DNAH14: variants seen among roughly 807,000 people sequenced by gnomAD.
The protein encoded by DNAH14 is axonemal beta dynein heavy chain 14.
In DNAH14, 478 loss-of-function variants were observed where a neutral mutation model predicts 520.9. The observed-to-expected ratio is 0.92, with a 90% CI of 0.85 to 0.99. The LOEUF is 0.99. Among genes scored for constraint, DNAH14 ranks in the 50% least tolerant of loss-of-function variants. The probability of loss-of-function intolerance (pLI) is 0.00; values close to 1 mark genes in which losing one functional copy is unlikely to be tolerated. For synonymous variants in DNAH14, 1,581 were observed against 1,757.2 expected, an observed-to-expected ratio of 0.90 and a Z score of 2.51; for missense variants, 4,831 against 5,234.5, an observed-to-expected ratio of 0.92 and a Z score of 2.38.
rs1364688500 is a variant in DNAH14 at position 225,144,432 on chromosome 1, T to G, written c.4544T>G (p.Leu1515Trp). ...TATAAATGGAATGAAAAACAAAAGT[T>G]GTGCTATGTGTCTCAAGGAAATGCC... ...LQYKWNEKQK[L>W]CYVSQGNASF... is the part of the protein sequence containing the mutation. The change falls in exon 29 of 86, where the codon TTG becomes TGG. Residue 1515 changes from leucine to tryptophan, a missense_variant. Physicochemically the swap from Leu to Trp is moderately conservative, Grantham distance 61. Coordinates refer to ENST00000682510, the MANE Select transcript of DNAH14 (RefSeq NM_001367479.1). 6.4e-7 allele frequency: 1 copy of G among 1,551,552 alleles called. No homozygotes were observed. The highest frequency in any genetic ancestry group is 8.7e-7 in the Non-Finnish European group (1 of 1,146,898).
At chr1:225,374,332 G>C (rs1254059316) in intron 77 of DNAH14, among the ~76,000 whole-genome samples, 1 of 146,314 alleles carries the variant, frequency 6.8e-6, no homozygotes, top group Non-Finnish European at 1.5e-5. Context: ...CCTGATCTCA[G>C]CTCACTGTGA....
intron 1 of DNAH14, among the ~76,000 whole-genome samples, chr1:224,932,278 C>G (rs543559535): frequency 6.6e-6 from 1 of 151,942 alleles, no homozygotes; most frequent in Non-Finnish European, 1.5e-5. Flanking sequence ...CTATGCTTGT[C>G]CTTTGCATAC....
intron 34 of DNAH14, among the ~76,000 whole-genome samples, chr1:225,156,709 C>CT (rs71170061): frequency 0.024 from 1,657 of 68,060 alleles, 136 homozygotes; most frequent in African/African-American, 0.037. Flanking sequence ...TCTTAAAATT[C>CT]TTTTTTTTTT....
At chr1:225,078,374 A>G (rs2072553009) in intron 17 of DNAH14, among the ~76,000 whole-genome samples, 1 of 152,222 alleles carries the variant, frequency 6.6e-6, no homozygotes, top group African/African-American at 2.4e-5. Context: ...AAGTTGTAGC[A>G]TTTATTATGC....
chr1:225,340,618 A>G lies in DNAH14; in HGVS notation c.10595A>G (p.Lys3532Arg). 8.4e-6 allele frequency: 13 copies of G among 1,551,466 alleles called. No homozygotes were observed. The highest frequency in any genetic ancestry group is 1.1e-5 in the Non-Finnish European group (13 of 1,146,872). ...CCTCATTTAGAAGATCAACGTTCCA[A>G]GTTACTGGAGAGTATTTCCCTTGAT... ...EVPHLEDQRS[K>R]LLESISLDAI... is the part of the protein sequence containing the mutation. Residue 3532 changes from lysine (K) to arginine (R), a missense_variant, in exon 69 of 86, where the codon AAG becomes AGG. By Grantham distance (26) the Lys-to-Arg change is conservative. Transcript: ENST00000682510.
chr1:225,010,465 A>G (rs6666664), intron 10 of DNAH14, among the ~76,000 whole-genome samples: 10,505 of 152,134 alleles, frequency 0.069, 1,169 homozygotes, highest in African/African-American at 0.24. Flanking sequence ...TTGGTGGATA[A>G]GCTTTTTAAT....
intron 8 of DNAH14, among the ~76,000 whole-genome samples, chr1:224,974,749 T>A (rs1026747146): frequency 6.6e-6 from 1 of 152,170 alleles, no homozygotes; most frequent in South Asian, 2.1e-4. Flanking sequence ...CTCCTTGACC[T>A]TTGGCAACCA....
At chr1:225,157,844 G>A (rs936075799) in intron 34 of DNAH14, among the ~76,000 whole-genome samples, 2 of 152,090 alleles carry the variant, frequency 1.3e-5, no homozygotes, top group African/African-American at 4.8e-5. Flanking sequence ...ACTCAGCGAG[G>A]TATTCTCAGG....
At chr1:225,163,505 T>C (rs1231664565) in intron 35 of DNAH14, among the ~76,000 whole-genome samples, 2 of 152,166 alleles carry the variant, frequency 1.3e-5, no homozygotes, top group South Asian at 2.1e-4. Flanking sequence ...TGTCATGTGG[T>C]TTTATTGTGT....
chr1:225,201,196 C>A (rs1165022936), intron 38 of DNAH14, among the ~76,000 whole-genome samples: 1 of 151,938 alleles, frequency 6.6e-6, no homozygotes, highest in Non-Finnish European at 1.5e-5. Flanking sequence ...ATAAGTGCAT[C>A]CACTGTTTCC....
In DNAH14 at chr1:225,003,856, A is replaced by G. The variant is rs184050518; in HGVS notation, c.975+929A>G. ...GGATATGGTTTTCTTGTAGAAGGAA[A>G]TAAAATAATCTGTAATATCAGATTA... On this transcript the variant is annotated intron_variant, in intron 9 of 85. Coordinates refer to ENST00000682510, the MANE Select transcript of DNAH14 (RefSeq NM_001367479.1). 3.1e-4 allele frequency among the ~76,000 whole-genome samples: 47 copies of G among 152,264 alleles called. No individual in the cohort carries two copies. In the East Asian group the frequency reaches 6.0e-3, roughly 19 times the overall value.
chr1:225,091,114 T>G (rs985960529), intron 21 of DNAH14, among the ~76,000 whole-genome samples: 26 of 150,890 alleles, frequency 1.7e-4, no homozygotes, highest in Admixed American at 1.7e-3. Context: ...GATCTATGAT[T>G]CATTGGTTTT....
chr1:225,063,760 G>T (rs1398196819), intron 17 of DNAH14, among the ~76,000 whole-genome samples: 3 of 151,804 alleles, frequency 2.0e-5, no homozygotes, highest in Non-Finnish European at 4.4e-5. Flanking sequence ...CAGATTTGAT[G>T]AAAAGTATAA....
chr1:225,023,462 C>T (rs2065872046), intron 10 of DNAH14, among the ~76,000 whole-genome samples, 153 bp from the exon 11 acceptor site: 1 of 149,902 alleles, frequency 6.7e-6, no homozygotes, highest in African/African-American at 2.5e-5. Flanking sequence ...CTTTTTAGGC[C>T]TACCCTTTAA....
At chr1:225,238,516 T>C (rs2091754565) in intron 42 of DNAH14, among the ~76,000 whole-genome samples, 1 of 152,202 alleles carries the variant, frequency 6.6e-6, no homozygotes, top group South Asian at 2.1e-4. Flanking sequence ...AAGGGGATAC[T>C]GACCTGTTTC....
intron 36 of DNAH14, among the ~76,000 whole-genome samples, chr1:225,178,224 C>G (rs1437347665): frequency 1.3e-5 from 2 of 152,108 alleles, no homozygotes; most frequent in Non-Finnish European, 2.9e-5. Flanking sequence ...GTCTGTTTTC[C>G]TGCTGCTGGT....
chr1:225,265,894 C>T (rs897385540), intron 48 of DNAH14, among the ~76,000 whole-genome samples: 1 of 151,470 alleles, frequency 6.6e-6, no homozygotes, highest in African/African-American at 2.4e-5. Flanking sequence ...GTTTGTGATA[C>T]AAAAGGGGAG....
chr1:225,181,861 C>G (rs1426219124), intron 36 of DNAH14, among the ~76,000 whole-genome samples: 1 of 152,034 alleles, frequency 6.6e-6, no homozygotes, highest in African/African-American at 2.4e-5. Context: ...TCTGTCCTGT[C>G]ATTCAGATAA....
chr1:225,173,207 T>C (rs1194327372), intron 36 of DNAH14, among the ~76,000 whole-genome samples: 1 of 152,198 alleles, frequency 6.6e-6, no homozygotes, highest in African/African-American at 2.4e-5. Flanking sequence ...GGCCAAGGAC[T>C]TCATGTCTAA....
Sources: allele counts gnomAD v4.1 joint callset (sites outside exome capture counted in the v4.1 genomes callset), GRCh38; gene constraint gnomAD v4.1.1; transcripts MANE v1.5; gene names NCBI Gene and HGNC (gene_info 2026-07-23, HGNC 2026-07-21).